The following C1QL3 variants were observed in gnomAD, a reference collection of about 807,000 sequenced individuals.
C1QL3 encodes the protein complement C1q like 3.
C1QL3 carries 4 observed loss-of-function variants against 16.6 expected under a neutral mutation model. The ratio of observed to expected loss-of-function variants is 0.24; its 90% CI spans 0.12 to 0.55. The LOEUF (loss-of-function observed/expected upper bound fraction) is 0.55. C1QL3 is among the 20% of genes least tolerant of loss of function. The probability of loss-of-function intolerance (pLI) is 0.94; values close to 1 mark genes in which losing one functional copy is unlikely to be tolerated. For missense variants in C1QL3, 269 were observed against 365.6 expected (o/e 0.74, Z 2.16); for synonymous variants, 189 against 160.2 (o/e 1.18, Z -1.36).
In C1QL3 at chr10:16,520,448, C is replaced by CCCCCCCA; in HGVS notation, c.588+29_588+30insTGGGGGG. 1.6e-6 allele frequency: 2 copies of CCCCCCCA among 1,215,100 alleles called. No individual in the cohort carries two copies. Among genetic ancestry groups the CCCCCCCA allele is most frequent in the Non-Finnish European group, 2.3e-6 (2 of 859,404 alleles). 75.3% of individuals were successfully genotyped at this position (1,215,100 alleles called of 1,614,324 possible). On this transcript the variant is annotated intron_variant, in intron 1 of 1. Coordinates refer to ENST00000298943, the MANE Select transcript of C1QL3 (RefSeq NM_001010908.2). This position sits in a 1 kb window ranked among gnomAD's most constrained non-coding sequence, Gnocchi z 8.3. ...GCCCGCACCTTCCCGCGCTCCCTCC[C>CCCCCCCA]CGCCCTCCCCGCCGCCCGCCCGCGC...
At chr10:16,519,203 C>T (rs1455109179) in intron 1 of C1QL3, among the ~76,000 whole-genome samples, 2 of 127,578 alleles carry the variant, frequency 1.6e-5, no homozygotes, top group Non-Finnish European at 3.2e-5. Flanking sequence ...GTAGGTCTTC[C>T]GAATCCTGCT....
intron 1 of C1QL3, 124 bp from the exon 2 acceptor site, chr10:16,514,831 A>T: frequency 1.5e-6 from 1 of 687,356 alleles, no homozygotes; most frequent in Non-Finnish European, 2.4e-6. Flanking sequence ...AGCAAAGTCC[A>T]TGTTGACCTC....
Position 16,514,319 on chromosome 10 carries a change from G to A in C1QL3, c.*209C>T. On this transcript the variant is annotated 3_prime_UTR_variant, in exon 2 of 2. Coordinates refer to ENST00000298943, the MANE Select transcript of C1QL3 (RefSeq NM_001010908.2). ...ATAAGGAGTATTTGCTTTGGCGGTA[G>A]TGGATCACACATCTGCTTATCTTGC... 5 of 579,424 alleles carry A rather than the reference G, an allele frequency of 8.6e-6. No homozygotes were observed. The South Asian group carries it at 9.3e-5, about 11-fold the overall frequency. The allele number at this position is 579,424 out of a possible 1,614,324, so 35.9% of individuals were successfully genotyped here.
chr10:16,519,165 T>TTTTTTTTTTTTTTTTTTTTTTTA (rs1836999133), intron 1 of C1QL3, among the ~76,000 whole-genome samples: 1 of 146,434 alleles, frequency 6.8e-6, no homozygotes, highest in African/African-American at 2.6e-5. Flanking sequence ...TTTTGGTCTT[T>TTTTTTTTTTTTTTTTTTTTTTTA]CACTTTTGAA....
chr10:16,519,466 C>T (rs1238950134), intron 1 of C1QL3, among the ~76,000 whole-genome samples: 2 of 152,056 alleles, frequency 1.3e-5, no homozygotes, highest in Non-Finnish European at 2.9e-5. Context: ...TCAGCGTGCA[C>T]AGAAGGTCCC....
rs978968900 is a variant in C1QL3 at position 16,521,268 on chromosome 10, C to A, written c.-203G>T. On this transcript the variant is annotated 5_prime_UTR_variant, in exon 1 of 2. Transcript: ENST00000298943. ...CCGCTGCTGCCGACTCCTGCTCCCC[C>A]CGCGGAGGCTGCGGCTGGGGAGGGA... The A allele has an allele frequency of 7.5e-6, 4 of 532,660 alleles. No individual in the cohort carries two copies. In the Admixed American group the frequency reaches 1.2e-4, roughly 15 times the overall value. The allele number at this position is 532,660 out of a possible 1,614,324, so 33.0% of individuals were successfully genotyped here.
In C1QL3 at chr10:16,514,069, A is replaced by G. The variant is rs1836909422; in HGVS notation, c.*459T>C. 1 of 366,998 alleles carries G rather than the reference A, an allele frequency of 2.7e-6. No homozygotes were observed. Among genetic ancestry groups the G allele is most frequent in the African/African-American group, 2.1e-5 (1 of 48,090 alleles). The allele number at this position is 366,998 out of a possible 1,614,324, so 22.7% of individuals were successfully genotyped here. On this transcript the variant is annotated 3_prime_UTR_variant, in exon 2 of 2. Transcript: ENST00000298943. ...GGACAAGCAGCATTATTTCAATTAG[A>G]CCTTCTCCTGCAGGGCAAAAATCAT...
rs1270044294 is a variant in C1QL3, at chr10:16,514,260, T to C, written c.*268A>G. 1 of 436,328 alleles carries C rather than the reference T, an allele frequency of 2.3e-6. No homozygotes were observed. Among genetic ancestry groups the C allele is most frequent in the Non-Finnish European group, 4.0e-6 (1 of 249,564 alleles). 27.0% of individuals were successfully genotyped at this position (436,328 alleles called of 1,614,324 possible). On this transcript the variant is annotated 3_prime_UTR_variant, in exon 2 of 2. Coordinates refer to ENST00000298943, the MANE Select transcript of C1QL3 (RefSeq NM_001010908.2). The stretch of plus-strand genomic sequence containing the variant: ...TAGATTTGTCTATAAAAATTTGTGA[T>C]CTATATAGGACTTCATTCACATGGA...
intron 1 of C1QL3, among the ~76,000 whole-genome samples, chr10:16,518,257 A>T (rs10904762): frequency 0.15 from 23,017 of 152,240 alleles, 2,060 homozygotes; most frequent in African/African-American, 0.25. Flanking sequence ...TAATCTAGAG[A>T]TAAAATTCCT....
intron 1 of C1QL3, 42 bp from the exon 2 acceptor site, chr10:16,514,749 T>G (rs1268461319): frequency 1.3e-6 from 2 of 1,496,256 alleles, no homozygotes; most frequent in Non-Finnish European, 1.8e-6. Flanking sequence ...AAATGAGAAT[T>G]CTCAAGTTTT....
rs1190230858 is a variant in C1QL3, at chr10:16,520,389, C to G, written c.588+89G>C. Reference sequence around the variant, plus strand: ...GGCCGCCGCGCCCTTCCTCCGCGGGCTCCCACCCCCATTTCCGGGGTCTCC... The same window carrying G: ...GGCCGCCGCGCCCTTCCTCCGCGGGGTCCCACCCCCATTTCCGGGGTCTCC... On this transcript the variant is annotated intron_variant, in intron 1 of 1. Coordinates refer to ENST00000298943, the MANE Select transcript of C1QL3 (RefSeq NM_001010908.2). This position sits in a 1 kb window ranked among gnomAD's most constrained non-coding sequence, Gnocchi z 8.3. The G allele has an allele frequency of 9.5e-7, 1 of 1,047,388 alleles. No homozygotes were observed. The highest frequency in any genetic ancestry group is 1.4e-6 in the Non-Finnish European group (1 of 739,220). The allele number at this position is 1,047,388 out of a possible 1,614,324, so 64.9% of individuals were successfully genotyped here. A position where few individuals can be genotyped will look rare whatever the true frequency, so the allele number is the denominator to read the frequency against.
chr10:16,520,453 C>T lies in C1QL3; in HGVS notation c.588+25G>A, dbSNP rs777015114. 17 of 1,350,586 alleles carry T rather than the reference C, an allele frequency of 1.3e-5. No homozygotes were observed. Among genetic ancestry groups the T allele is most frequent in the South Asian group, 3.9e-5 (3 of 77,062 alleles). The allele number at this position is 1,350,586 out of a possible 1,614,324, so 83.7% of individuals were successfully genotyped here. ...CACCTTCCCGCGCTCCCTCCCCGCC[C>T]TCCCCGCCGCCCGCCCGCGCTCACC... is the stretch of plus-strand genomic sequence containing the variant. On this transcript the variant is annotated intron_variant, in intron 1 of 1. Coordinates refer to ENST00000298943, the MANE Select transcript of C1QL3 (RefSeq NM_001010908.2). This position sits in a 1 kb window ranked among gnomAD's most constrained non-coding sequence, Gnocchi z 8.3.
rs1837029048 is a variant in C1QL3, at chr10:16,520,796, CG to C, written c.269del (p.Pro90ArgfsTer21). On this transcript the variant is annotated frameshift_variant, in exon 1 of 2. Coordinates refer to ENST00000298943, the MANE Select transcript of C1QL3 (RefSeq NM_001010908.2). LOFTEE classifies it high-confidence loss of function. The surrounding 1 kb of genome is among the most constrained non-coding windows in gnomAD (Gnocchi z 8.3). Reference sequence around the variant, plus strand: ...GGCGGCCCGGCTCGCCCTTCTCGCCCGGGGGCCCCATGGGGCCGGGTGGCCC... The same window carrying C: ...GGCGGCCCGGCTCGCCCTTCTCGCCCGGGGCCCCATGGGGCCGGGTGGCCC... ...EPGPPGPMGP[P>X]GEKGEPGRQG... 7.7e-7 allele frequency: 1 copy of C among 1,303,350 alleles called. No individual in the cohort carries two copies. Among genetic ancestry groups the C allele is most frequent in the Non-Finnish European group, 9.8e-7 (1 of 1,025,288 alleles). 80.7% of individuals were successfully genotyped at this position (1,303,350 alleles called of 1,614,324 possible). A position where few individuals can be genotyped will look rare whatever the true frequency, so the allele number is the denominator to read the frequency against.
chr10:16,513,982 T>A lies in C1QL3; in HGVS notation c.*546A>T, dbSNP rs931204740. 4.3e-6 allele frequency: 1 copy of A among 232,802 alleles called. No homozygotes were observed. Among genetic ancestry groups the A allele is most frequent in the African/African-American group, 2.2e-5 (1 of 44,684 alleles). 14.4% of individuals were successfully genotyped at this position (232,802 alleles called of 1,614,324 possible). On this transcript the variant is annotated 3_prime_UTR_variant, in exon 2 of 2. Coordinates refer to ENST00000298943, the MANE Select transcript of C1QL3 (RefSeq NM_001010908.2). ...GAAAATTCCAGGTTAAGGCTTGAAG[T>A]TGAATCATTCCCAGGTCTAGCTCTA...
At chr10:16,516,206 A>C (rs527983986) in intron 1 of C1QL3, among the ~76,000 whole-genome samples, 1 of 152,194 alleles carries the variant, frequency 6.6e-6, no homozygotes, top group Non-Finnish European at 1.5e-5. Flanking sequence ...TGAAAGCAAT[A>C]TACCATGTAA....
chr10:16,521,075 C>A lies in C1QL3; in HGVS notation c.-10G>T. 1.3e-6 allele frequency: 2 copies of A among 1,592,398 alleles called. No individual in the cohort carries two copies. The highest frequency in any genetic ancestry group is 2.3e-5 in the East Asian group (1 of 44,170). Reference sequence around the variant, plus strand: ...CCAGCAGCAGCACCATCACCACCCCCAGCGCCCCGGCGGCGATCAGGCGCC... The same window carrying A: ...CCAGCAGCAGCACCATCACCACCCCAAGCGCCCCGGCGGCGATCAGGCGCC... On this transcript the variant is annotated 5_prime_UTR_variant, in exon 1 of 2. Transcript: ENST00000298943.
At position 16,514,567 on chromosome 10, in the gene C1QL3, TTTG is replaced by T; in HGVS notation, c.726_728del (p.Asn242del). 6.2e-7 allele frequency: 1 copy of T among 1,613,850 alleles called. No homozygotes were observed. The highest frequency in any genetic ancestry group is 8.5e-7 in the Non-Finnish European group (1 of 1,179,780). The stretch of plus-strand genomic sequence containing the variant: ...TAATAAATCCAGAAAACGTGCTGTA[TTTG>T]TTGTTGTTTCCTCCATGGGCTTTCC... On this transcript the variant is annotated inframe_deletion, in exon 2 of 2. Coordinates refer to ENST00000298943, the MANE Select transcript of C1QL3 (RefSeq NM_001010908.2).
intron 1 of C1QL3, among the ~76,000 whole-genome samples, chr10:16,517,610 C>T (rs1289991328): frequency 2.0e-5 from 3 of 152,148 alleles, no homozygotes; most frequent in African/African-American, 7.2e-5. Context: ...CTTTAATATG[C>T]ACTGTCATGG....
In C1QL3 at chr10:16,520,801, G is replaced by T. The variant is rs1837029172; in HGVS notation, c.265C>A (p.Pro89Thr). Reference sequence around the variant, plus strand: ...CCCGGCTCGCCCTTCTCGCCCGGGGGCCCCATGGGGCCGGGTGGCCCGGGC... The same window carrying T: ...CCCGGCTCGCCCTTCTCGCCCGGGGTCCCCATGGGGCCGGGTGGCCCGGGC... Reference protein sequence around the residue: ...GEPGPPGPMGPPGEKGEPGRQ... With the variant: ...GEPGPPGPMGTPGEKGEPGRQ... The change falls in exon 1 of 2, where the codon CCC (proline) becomes ACC (threonine). Residue 89 changes from proline to threonine, a missense_variant. Coordinates refer to ENST00000298943, the MANE Select transcript of C1QL3 (RefSeq NM_001010908.2). The surrounding 1 kb of genome is among the most constrained non-coding windows in gnomAD (Gnocchi z 8.3). The T allele has an allele frequency of 1.5e-6, 2 of 1,305,234 alleles. No individual in the cohort carries two copies. 80.9% of individuals were successfully genotyped at this position (1,305,234 alleles called of 1,614,324 possible).
Sources: gnomAD v4.1 joint callset for allele counts (sites outside exome capture counted in the v4.1 genomes callset) on GRCh38, gnomAD v4.1.1 for gene constraint, Gnocchi (gnomAD v3.1) non-coding constraint, MANE v1.5 for transcripts, NCBI Gene and HGNC (gene_info 2026-07-23, HGNC 2026-07-21) for gene names.